Variants in DCC observed in about 807,000 individuals in gnomAD.
DCC encodes the protein netrin receptor DCC.
Under a neutral mutation model 172.5 loss-of-function variants are expected in DCC, and 58 were observed. That is an observed-to-expected ratio of 0.34 (90% confidence interval 0.27 to 0.42). The LOEUF (loss-of-function observed/expected upper bound fraction) is 0.42, where lower values mean the gene tolerates loss of function less well. Ranked by LOEUF, DCC falls within the 10% of genes least tolerant of loss-of-function variation. DCC has a pLI of 1.00. For missense variants in DCC, 1,740 were observed against 1,791.0 expected (o/e 0.97, Z 0.51); for synonymous variants, 709 against 644.5 (o/e 1.10, Z -1.52).
intron 7 of DCC, among the ~76,000 whole-genome samples, chr18:53,105,753 G>A (rs542053258): frequency 1.3e-4 from 19 of 151,936 alleles, no homozygotes; most frequent in African/African-American, 4.6e-4. Context: ...TGCCTGGGAA[G>A]TAGAATGCAT....
intron 5 of DCC, among the ~76,000 whole-genome samples, chr18:52,973,055 GT>G (rs2041055522): frequency 6.6e-6 from 1 of 152,156 alleles, no homozygotes; most frequent in Non-Finnish European, 1.5e-5. Context: ...CTTAACCAGT[GT>G]TTTCCTGATA....
chr18:53,130,706 GT>G lies in DCC; in HGVS notation c.1262-26649del, dbSNP rs553372483. On this transcript the variant is annotated intron_variant, in intron 7 of 28. Transcript: ENST00000442544. ...ATCAGGCTGTCCTGGGATCTGTAGG[GT>G]GGGTCCTTTGCTTCCCAACCATGTC... Among the ~76,000 whole-genome samples, 75 of 152,076 alleles carry G rather than the reference GT, an allele frequency of 4.9e-4. 1 individual carries two copies. The highest frequency in any genetic ancestry group is 9.1e-4 in the Non-Finnish European group (62 of 68,002).
intron 1 of DCC, among the ~76,000 whole-genome samples, chr18:52,402,811 G>A (rs1354856881): frequency 1.3e-5 from 2 of 151,992 alleles, no homozygotes; most frequent in African/African-American, 2.4e-5. Flanking sequence ...TGGGTTGCTG[G>A]TTGGAGGAGG....
chr18:52,710,400 T>C (rs938598825), intron 1 of DCC, among the ~76,000 whole-genome samples: 1 of 152,138 alleles, frequency 6.6e-6, no homozygotes, highest in Non-Finnish European at 1.5e-5. Context: ...GATAAAAATA[T>C]ATGAATGATG....
chr18:53,534,181 A>T lies in DCC; in HGVS notation c.*3528A>T, dbSNP rs1188519329. The T allele has an allele frequency of 6.6e-6, 1 of 152,220 alleles. No homozygotes were observed. 9.4% of individuals were successfully genotyped at this position (152,220 alleles called of 1,614,324 possible). A position where few individuals can be genotyped will look rare whatever the true frequency, so the allele number is the denominator to read the frequency against. Reference sequence around the variant, plus strand: ...TAATTACAACAAAAGGTTACCTCTAAAGATAACATCTTACCATTTTAGATA... The same window carrying T: ...TAATTACAACAAAAGGTTACCTCTATAGATAACATCTTACCATTTTAGATA... On this transcript the variant is annotated 3_prime_UTR_variant, in exon 29 of 29. Transcript: ENST00000442544.
intron 27 of DCC, among the ~76,000 whole-genome samples, chr18:53,504,549 G>A (rs2046145715): frequency 6.6e-6 from 1 of 152,066 alleles, no homozygotes; most frequent in South Asian, 2.1e-4. Flanking sequence ...AAATTTTCCT[G>A]TCCTCACTCC....
intron 24 of DCC, among the ~76,000 whole-genome samples, chr18:53,461,156 C>A (rs1360337199): frequency 3.0e-4 from 45 of 152,174 alleles, no homozygotes; most frequent in East Asian, 1.2e-3. Flanking sequence ...AATTTGTTTG[C>A]GTTCATTGTA....
chr18:53,388,572 A>T (rs1283437945), intron 16 of DCC, among the ~76,000 whole-genome samples: 1 of 152,238 alleles, frequency 6.6e-6, no homozygotes, highest in African/African-American at 2.4e-5. Flanking sequence ...AGCTGCTGAA[A>T]GTCTCACGTG....
At chr18:52,967,441 T>C (rs547243955) in intron 5 of DCC, among the ~76,000 whole-genome samples, 1 of 152,190 alleles carries the variant, frequency 6.6e-6, no homozygotes, top group Non-Finnish European at 1.5e-5. Context: ...GTGTATAATA[T>C]GTACTGTATA....
At chr18:52,363,220 C>T (rs1886750339) in intron 1 of DCC, among the ~76,000 whole-genome samples, 1 of 152,202 alleles carries the variant, frequency 6.6e-6, no homozygotes, top group Admixed American at 6.5e-5. Flanking sequence ...TTTACCATCA[C>T]ATAGGAGACT....
chr18:53,429,545 A>G (rs1332272840), intron 21 of DCC, among the ~76,000 whole-genome samples: 2 of 152,020 alleles, frequency 1.3e-5, no homozygotes, highest in Non-Finnish European at 2.9e-5. Context: ...ACCTGTTCAT[A>G]TTTTATGGCC....
intron 10 of DCC, among the ~76,000 whole-genome samples, chr18:53,206,867 A>T (rs887274341): frequency 1.3e-4 from 19 of 151,654 alleles, no homozygotes; most frequent in African/African-American, 4.6e-4. Context: ...CATGATCAGA[A>T]TTTTTACTTA....
intron 1 of DCC, among the ~76,000 whole-genome samples, chr18:52,673,497 G>T (rs1457249925): frequency 2.0e-5 from 3 of 152,146 alleles, no homozygotes; most frequent in Non-Finnish European, 4.4e-5. Context: ...TGTCTTTCTT[G>T]TAACCTCATA....
At chr18:52,436,288 GA>G (rs1481772260) in intron 1 of DCC, among the ~76,000 whole-genome samples, 1 of 152,166 alleles carries the variant, frequency 6.6e-6, no homozygotes, top group Non-Finnish European at 1.5e-5. Flanking sequence ...CCATGTTTAC[GA>G]CTTCACTGAA....
In DCC at chr18:52,749,437, A is replaced by G. The variant is rs4467174; in HGVS notation, c.92-2617A>G. On this transcript the variant is annotated intron_variant, in intron 1 of 28. Coordinates refer to ENST00000442544, the MANE Select transcript of DCC (RefSeq NM_005215.4). ...AGCTGAAACTTAGAAAAGGAGACCA[A>G]TAGAATCATATCTACTATTTCTCAA... Among the ~76,000 whole-genome samples, 1,079 of 152,340 alleles carry G rather than the reference A, an allele frequency of 7.1e-3. 7 individuals carry two copies. The highest frequency in any genetic ancestry group is 0.02 in the Middle Eastern group (6 of 294).
chr18:52,340,985 T>C lies in DCC; in HGVS notation c.91+107T>C. On this transcript the variant is annotated intron_variant, in intron 1 of 28. Coordinates refer to ENST00000442544, the MANE Select transcript of DCC (RefSeq NM_005215.4). ...ATTGGGGTGGGGGATAGCAAGAGAT[T>C]TGGCGCTTGCGCTGCCCCCATTTGC... is the stretch of plus-strand genomic sequence containing the variant. The C allele has an allele frequency of 3.2e-6, 3 of 927,694 alleles. No homozygotes were observed. The South Asian group carries it at 3.9e-5, about 12-fold the overall frequency. 57.5% of individuals were successfully genotyped at this position (927,694 alleles called of 1,614,324 possible). A position where few individuals can be genotyped will look rare whatever the true frequency, so the allele number is the denominator to read the frequency against.
chr18:53,356,546 GACA>G (rs2057880188), intron 15 of DCC, among the ~76,000 whole-genome samples: 1 of 152,114 alleles, frequency 6.6e-6, no homozygotes, highest in South Asian at 2.1e-4. Context: ...CCACTACTGA[GACA>G]ATACCACCTG....
At chr18:52,969,649 CTCTT>C (rs1268640416) in intron 5 of DCC, among the ~76,000 whole-genome samples, 1 of 150,436 alleles carries the variant, frequency 6.6e-6, no homozygotes, top group East Asian at 2.0e-4. Context: ...GTCTCTCTCT[CTCTT>C]TCTCATCAGT....
chr18:53,021,165 G>T (rs574494757), intron 5 of DCC, among the ~76,000 whole-genome samples: 98 of 152,294 alleles, frequency 6.4e-4, no homozygotes, highest in African/African-American at 2.2e-3. Context: ...ACACGGCAGG[G>T]TATGGCGAAG....
Sources: gnomAD v4.1 joint callset for allele counts (sites outside exome capture counted in the v4.1 genomes callset) on GRCh38, gnomAD v4.1.1 for gene constraint, MANE v1.5 for transcripts, NCBI Gene and HGNC (gene_info 2026-07-23, HGNC 2026-07-21) for gene names.